The following CSMD1 variants were observed in gnomAD, a reference collection of about 807,000 sequenced individuals.
CSMD1 encodes CUB and sushi domain-containing protein 1.
In CSMD1, 213 loss-of-function variants were observed where a neutral mutation model predicts 417.5. The ratio of observed to expected loss-of-function variants is 0.51; its 90% CI spans 0.46 to 0.57. CSMD1 has a LOEUF of 0.57. CSMD1 is among the 20% of genes least tolerant of loss of function. The pLI, the probability that CSMD1 is intolerant of heterozygous loss-of-function variation, is 0.00. For synonymous variants in CSMD1, 2,862 were observed against 1,736.8 expected, an observed-to-expected ratio of 1.65 and a Z score of -16.11; for missense variants, 6,923 against 4,529.7, an observed-to-expected ratio of 1.53 and a Z score of -15.17.
intron 3 of CSMD1, among the ~76,000 whole-genome samples, chr8:4,217,150 A>G (rs1008024007): frequency 2.0e-5 from 3 of 152,220 alleles, no homozygotes; most frequent in East Asian, 3.9e-4. Flanking sequence ...AGAAAAGCCC[A>G]GAAATAACTA....
intron 3 of CSMD1, among the ~76,000 whole-genome samples, chr8:4,377,120 C>A (rs1802799784): frequency 6.6e-6 from 1 of 152,168 alleles, no homozygotes; most frequent in South Asian, 2.1e-4. Context: ...CATATAGAGC[C>A]ATTTCTCCTT....
chr8:4,239,466 G>C (rs1428029305), intron 3 of CSMD1, among the ~76,000 whole-genome samples: 1 of 152,158 alleles, frequency 6.6e-6, no homozygotes, highest in East Asian at 1.9e-4. Context: ...AGTGCAAGGA[G>C]AGATGTAGCA....
intron 2 of CSMD1, among the ~76,000 whole-genome samples, chr8:4,525,313 G>A (rs1212098775): frequency 2.0e-5 from 3 of 152,102 alleles, no homozygotes; most frequent in Non-Finnish European, 4.4e-5. Context: ...ATGTGGCCAA[G>A]GCTCCCGGCA....
intron 1 of CSMD1, among the ~76,000 whole-genome samples, chr8:4,641,318 C>A (rs1159038354): frequency 1.3e-5 from 2 of 152,060 alleles, no homozygotes; most frequent in Non-Finnish European, 2.9e-5. Flanking sequence ...TGGCTCCTAT[C>A]TAAAGTAATC....
At chr8:4,113,732 G>T (rs2081356) in intron 3 of CSMD1, among the ~76,000 whole-genome samples, 110,904 of 152,102 alleles carry the variant, frequency 0.73, 40,839 homozygotes, top group East Asian at 0.88. Flanking sequence ...GCATGAATGA[G>T]AAGAAAATGA....
At chr8:3,140,997 G>C (rs996163505) in intron 41 of CSMD1, among the ~76,000 whole-genome samples, 20 of 152,172 alleles carry the variant, frequency 1.3e-4, no homozygotes, top group African/African-American at 4.3e-4. Context: ...GCTAAGGCAA[G>C]GCATACATAC....
At chr8:2,969,447 G>T (rs1804245469) in intron 57 of CSMD1, among the ~76,000 whole-genome samples, 1 of 152,132 alleles carries the variant, frequency 6.6e-6, no homozygotes, top group Admixed American at 6.6e-5. Context: ...AAGCAAATTT[G>T]ATTTAATGTG....
intron 2 of CSMD1, among the ~76,000 whole-genome samples, chr8:4,425,397 A>T (rs80022439): frequency 5.2e-4 from 77 of 147,044 alleles, no homozygotes; most frequent in Middle Eastern, 3.5e-3. Flanking sequence ...AAAAAAAAAA[A>T]TAGAGTCCAA....
At chr8:3,767,395 G>A (rs1306608335) in intron 5 of CSMD1, among the ~76,000 whole-genome samples, 1 of 152,180 alleles carries the variant, frequency 6.6e-6, no homozygotes, top group Non-Finnish European at 1.5e-5. Flanking sequence ...CCTTTACTCA[G>A]CCCTCCTAAA....
chr8:3,417,730 TC>T (rs1262507947), intron 12 of CSMD1, among the ~76,000 whole-genome samples: 2 of 152,222 alleles, frequency 1.3e-5, no homozygotes, highest in Non-Finnish European at 2.9e-5. Flanking sequence ...TCATTTTTTT[TC>T]CCTGAGACTT....
chr8:4,401,644 G>C (rs182491101), intron 3 of CSMD1, among the ~76,000 whole-genome samples: 7 of 152,098 alleles, frequency 4.6e-5, no homozygotes, highest in Non-Finnish European at 5.9e-5. Context: ...TGTCGTACCC[G>C]ACCCTCCATC....
intron 22 of CSMD1, among the ~76,000 whole-genome samples, chr8:3,347,752 G>T (rs1349078635): frequency 1.3e-5 from 2 of 152,168 alleles, no homozygotes; most frequent in Non-Finnish European, 2.9e-5. Flanking sequence ...TTCATAAGGT[G>T]CTGGACTGAT....
At chr8:4,111,763 C>T (rs1321218578) in intron 3 of CSMD1, among the ~76,000 whole-genome samples, 1 of 152,094 alleles carries the variant, frequency 6.6e-6, no homozygotes, top group African/African-American at 2.4e-5. Flanking sequence ...ACACTGGGAA[C>T]TGTTGTGGGG....
At chr8:4,281,029 C>T (rs777533610) in intron 3 of CSMD1, among the ~76,000 whole-genome samples, 4 of 152,074 alleles carry the variant, frequency 2.6e-5, no homozygotes, top group Non-Finnish European at 5.9e-5. Flanking sequence ...TTTTAAAATT[C>T]TGTTCCTTGG....
intron 12 of CSMD1, among the ~76,000 whole-genome samples, chr8:3,439,723 A>C (rs1335720811): frequency 1.3e-5 from 2 of 152,172 alleles, no homozygotes; most frequent in African/African-American, 2.4e-5. Flanking sequence ...AAGTCTAAGA[A>C]ATATTTGCCT....
At chr8:4,912,217 T>C (rs1805736116) in intron 1 of CSMD1, among the ~76,000 whole-genome samples, 1 of 150,820 alleles carries the variant, frequency 6.6e-6, no homozygotes, top group South Asian at 2.1e-4. Context: ...CTGAGCTAGG[T>C]GGAGACCTGC....
chr8:4,788,318 A>G (rs1330153232), intron 1 of CSMD1: 2 of 1,572,730 alleles, frequency 1.3e-6, no homozygotes, highest in Non-Finnish European at 1.7e-6. Context: ...ATGGTTTGGG[A>G]CCAGTGATGT....
intron 2 of CSMD1, among the ~76,000 whole-genome samples, chr8:4,465,533 A>G (rs1800113622): frequency 6.6e-6 from 1 of 151,932 alleles, no homozygotes; most frequent in African/African-American, 2.4e-5. Flanking sequence ...AGCACATACA[A>G]CTCCACTCTC....
intron 5 of CSMD1, among the ~76,000 whole-genome samples, chr8:3,884,302 T>C (rs913085602): frequency 2.0e-5 from 3 of 152,176 alleles, no homozygotes; most frequent in African/African-American, 7.2e-5. Flanking sequence ...GTTTGTTATA[T>C]AAAACATTAT....
Sources: allele counts gnomAD v4.1 joint callset (sites outside exome capture counted in the v4.1 genomes callset), GRCh38; gene constraint gnomAD v4.1.1; transcripts MANE v1.5; gene names NCBI Gene and HGNC (gene_info 2026-07-23, HGNC 2026-07-21).